Variants in NAALAD2 observed in about 807,000 individuals in gnomAD.
The protein encoded by NAALAD2 is N-acetylated-alpha-linked acidic dipeptidase 2.
NAALAD2 carries 89 observed loss-of-function variants against 95.6 expected under a neutral mutation model. The ratio of observed to expected loss-of-function variants is 0.93; its 90% confidence interval spans 0.78 to 1.11. The LOEUF (loss-of-function observed/expected upper bound fraction) is 1.11, where lower values mean the gene tolerates loss of function less well. Ranked by LOEUF, NAALAD2 falls within the 50% of genes least tolerant of loss-of-function variation. The probability of loss-of-function intolerance (pLI) is 0.00; values close to 1 mark genes in which losing one functional copy is unlikely to be tolerated. For missense variants in NAALAD2, 894 were observed against 872.4 expected (o/e 1.02, Z -0.31); for synonymous variants, 264 against 294.4 (o/e 0.90, Z 1.06).
chr11:90,188,021 A>G (rs1857212287), intron 18 of NAALAD2, among the ~76,000 whole-genome samples: 1 of 152,214 alleles, frequency 6.6e-6, no homozygotes, highest in African/African-American at 2.4e-5. Flanking sequence ...GAAAAAGGAA[A>G]GTGACATACA....
chr11:90,154,848 A>T (rs1951993015), intron 6 of NAALAD2, among the ~76,000 whole-genome samples: 1 of 146,608 alleles, frequency 6.8e-6, no homozygotes, highest in Admixed American at 7.0e-5. Context: ...GTATATACGT[A>T]TACATAATAT....
At chr11:90,186,263 T>C (rs1024216310) in intron 18 of NAALAD2, among the ~76,000 whole-genome samples, 4 of 149,426 alleles carry the variant, frequency 2.7e-5, no homozygotes, top group Non-Finnish European at 5.9e-5. Flanking sequence ...CACCTATGAG[T>C]GAGAATATGC....
At chr11:90,158,491 A>C in intron 7 of NAALAD2, 1 of 332,044 alleles carries the variant, frequency 3.0e-6, no homozygotes, top group Non-Finnish European at 5.4e-6. Flanking sequence ...GTCCTAAGAT[A>C]ATTCTGATTT....
At chr11:90,144,274 G>C (rs1229062163) in intron 2 of NAALAD2, among the ~76,000 whole-genome samples, 1 of 152,138 alleles carries the variant, frequency 6.6e-6, no homozygotes, top group African/African-American at 2.4e-5. Flanking sequence ...GGTGACTTTT[G>C]TTGTAAGCTT....
intron 6 of NAALAD2, among the ~76,000 whole-genome samples, chr11:90,154,998 T>TGTGTGTATATATTATATACATATACATA (rs1952011308): frequency 1.8e-5 from 1 of 54,604 alleles, no homozygotes; most frequent in African/African-American, 8.8e-5. Flanking sequence ...ATAATATGTA[T>TGTGTGTATATATTATATACATATACATA]GTGTGTATAT....
rs541454824 is a variant in NAALAD2, at chr11:90,167,583, T to C, written c.1279-1346T>C. Among the ~76,000 whole-genome samples, 3 of 152,302 alleles carry C rather than the reference T, an allele frequency of 2.0e-5. No individual in the cohort carries two copies. The South Asian group carries it at 6.2e-4, about 32-fold the overall frequency. On this transcript the variant is annotated intron_variant, in intron 11 of 18. Coordinates refer to ENST00000534061, the MANE Select transcript of NAALAD2 (RefSeq NM_005467.4). ...CCTGTGGCCCCGGTGTGGGATCCAC[T>C]GAGTGAAGCCAGCTGGGCTCCTGAG...
chr11:90,139,405 T>TTA (rs1242609047), intron 2 of NAALAD2, among the ~76,000 whole-genome samples: 1 of 152,190 alleles, frequency 6.6e-6, no homozygotes, highest in Non-Finnish European at 1.5e-5. Flanking sequence ...CATCTCTTCC[T>TTA]TACTCATAAA....
chr11:90,186,454 G>C (rs192792795), intron 18 of NAALAD2, among the ~76,000 whole-genome samples: 5,887 of 152,132 alleles, frequency 0.039, 157 homozygotes, highest in Non-Finnish European at 0.057. Flanking sequence ...TTGGTTCCAA[G>C]TCTTTGCTAT....
chr11:90,179,653 A>G (rs1205539121), intron 16 of NAALAD2, among the ~76,000 whole-genome samples: 1 of 152,150 alleles, frequency 6.6e-6, no homozygotes, highest in Non-Finnish European at 1.5e-5. Flanking sequence ...CTACAGCAAA[A>G]TGGACATTGG....
chr11:90,160,844 G>A (rs1431760434), intron 8 of NAALAD2, among the ~76,000 whole-genome samples: 1 of 152,152 alleles, frequency 6.6e-6, no homozygotes, highest in Non-Finnish European at 1.5e-5. Context: ...CTATTGGTTA[G>A]AACTCAAAGT....
rs753967931 is a variant in NAALAD2, at chr11:90,149,017, A to G, written c.393A>G (p.Thr131=). The change falls in exon 4 of 19, where the codon ACA becomes ACG. Residue 131 remains threonine (T), a synonymous_variant. Coordinates refer to ENST00000534061, the MANE Select transcript of NAALAD2 (RefSeq NM_005467.4). ...VDEHETEIFK[T]SYLEPPPDGY... Reference sequence around the variant, plus strand: ...TTAATTCTTGCTAGATTTTCAAAACATCATACCTTGAACCACCACCAGATG... The same window carrying G: ...TTAATTCTTGCTAGATTTTCAAAACGTCATACCTTGAACCACCACCAGATG... The G allele has an allele frequency of 2.5e-6, 4 of 1,596,392 alleles. No individual in the cohort carries two copies. The highest frequency in any genetic ancestry group is 2.3e-5 in the East Asian group (1 of 44,354).
intron 2 of NAALAD2, among the ~76,000 whole-genome samples, chr11:90,137,376 A>C (rs1951476589): frequency 6.6e-6 from 1 of 152,016 alleles, no homozygotes; most frequent in East Asian, 1.9e-4. Flanking sequence ...AATGTTCCAA[A>C]CTCAAAGAAA....
chr11:90,169,928 C>T, intron 12 of NAALAD2, 141 bp from the exon 13 acceptor site: 2 of 631,848 alleles, frequency 3.2e-6, no homozygotes, highest in African/African-American at 1.9e-5. Flanking sequence ...TATTTCCACC[C>T]TGTTTTATTC....
chr11:90,176,119 G>C, intron 15 of NAALAD2, 57 bp downstream of exon 15: 2 of 1,360,464 alleles, frequency 1.5e-6, no homozygotes, highest in Non-Finnish European at 2.1e-6. Context: ...CTTTGGCGAA[G>C]AATGTCACTG....
At position 90,168,981 on chromosome 11, in the gene NAALAD2, C is replaced by A; in HGVS notation, c.1331C>A (p.Ser444Ter). 2 of 1,598,754 alleles carry A rather than the reference C, an allele frequency of 1.3e-6. No individual in the cohort carries two copies. The highest frequency in any genetic ancestry group is 1.1e-5 in the South Asian group (1 of 86,966). The change falls in exon 12 of 19, where the codon TCA becomes TAA. Residue 444 changes from serine to a stop codon, truncating the protein, a stop_gained. Coordinates refer to ENST00000534061, the MANE Select transcript of NAALAD2 (RefSeq NM_005467.4). LOFTEE classifies it high-confidence loss of function. Reference sequence around the variant, plus strand: ...AGCATTGCTTATATCAACTCGGATTCATCTATAGAAGGTAAATTTTATTTC... The same window carrying A: ...AGCATTGCTTATATCAACTCGGATTAATCTATAGAAGGTAAATTTTATTTC... Reference protein sequence around the residue: ...ERSIAYINSDSSIEGNYTLRV... With the variant: ...ERSIAYINSD
At chr11:90,182,708 A>T (rs9804561) in intron 17 of NAALAD2, among the ~76,000 whole-genome samples, 63,558 of 151,830 alleles carry the variant, frequency 0.42, 13,652 homozygotes, top group African/African-American at 0.51. Flanking sequence ...CGATTTTCCA[A>T]TAGGTCTCTC....
At chr11:90,160,515 A>G (rs892355521) in intron 8 of NAALAD2, among the ~76,000 whole-genome samples, 1 of 152,196 alleles carries the variant, frequency 6.6e-6, no homozygotes, top group Admixed American at 6.5e-5. Flanking sequence ...AAAGTATTAG[A>G]AGTCCAATTT....
At chr11:90,152,801 A>G (rs1043539992) in intron 6 of NAALAD2, among the ~76,000 whole-genome samples, 1 of 152,138 alleles carries the variant, frequency 6.6e-6, no homozygotes, top group Non-Finnish European at 1.5e-5. Context: ...TTGCTGAATT[A>G]CCGATAGATT....
intron 18 of NAALAD2, among the ~76,000 whole-genome samples, chr11:90,189,053 G>A (rs1360189420): frequency 6.6e-6 from 1 of 152,184 alleles, no homozygotes; most frequent in Admixed American, 6.5e-5. Flanking sequence ...TCCCAATGAT[G>A]CAGTCACAAG....
Sources: gnomAD v4.1 joint callset for allele counts (sites outside exome capture counted in the v4.1 genomes callset) on GRCh38, gnomAD v4.1.1 for gene constraint, MANE v1.5 for transcripts, NCBI Gene and HGNC (gene_info 2026-07-23, HGNC 2026-07-21) for gene names.